The following TENM3 variants were observed in gnomAD, a reference collection of about 807,000 sequenced individuals.
The protein encoded by TENM3 is teneurin transmembrane protein 3, also known as teneurin-3.
Under a neutral mutation model 255.1 loss-of-function variants are expected in TENM3, and 63 were observed. That is an observed-to-expected ratio of 0.25 (90% CI 0.20 to 0.30). The LOEUF is 0.30. Ranked by LOEUF, TENM3 falls within the 10% of genes least tolerant of loss-of-function variation. TENM3 has a pLI of 1.00. For synonymous variants in TENM3, 1,306 were observed against 1,322.3 expected, an observed-to-expected ratio of 0.99 and a Z score of 0.27; for missense variants, 2,929 against 3,461.1, an observed-to-expected ratio of 0.85 and a Z score of 3.86.
chr4:182,056,287 G>A, the TENM3 span, among the ~76,000 whole-genome samples: 1 of 152,144 alleles, frequency 6.6e-6, no homozygotes, highest in African/African-American at 2.4e-5. Flanking sequence ...TCTTTGACAT[G>A]TTATACATTA....
At chr4:182,590,315 C>A (rs536984353) in intron 3 of TENM3, among the ~76,000 whole-genome samples, 1 of 151,920 alleles carries the variant, frequency 6.6e-6, no homozygotes, top group African/African-American at 2.4e-5. Flanking sequence ...ACAGTTGAGA[C>A]CTACCTAGTC....
the TENM3 span, among the ~76,000 whole-genome samples, chr4:181,711,854 G>A: frequency 1.3e-5 from 2 of 152,094 alleles, no homozygotes; most frequent in Non-Finnish European, 2.9e-5. Context: ...AGGATGGGTG[G>A]GTAATGAAAA....
In TENM3 at chr4:182,680,622, C is replaced by T. The variant is rs560498873; in HGVS notation, c.1719C>T (p.Thr573=). ...RCLCFSGWKG[T]ECDVPTTQCI... is the part of the protein sequence containing the mutation. Reference sequence around the variant, plus strand: ...TGTGTTTCAGCGGCTGGAAGGGCACCGAGTGTGATGTGCCGACTACCCAGT... The same window carrying T: ...TGTGTTTCAGCGGCTGGAAGGGCACTGAGTGTGATGTGCCGACTACCCAGT... The change falls in exon 10 of 28, where the codon ACC becomes ACT. Residue 573 remains threonine, a synonymous_variant. Coordinates refer to ENST00000511685, the MANE Select transcript of TENM3 (RefSeq NM_001080477.4). 99 of 1,613,548 alleles carry T rather than the reference C, an allele frequency of 6.1e-5. No homozygotes were observed. Among genetic ancestry groups the T allele is most frequent in the South Asian group, 2.6e-4 (24 of 91,036 alleles).
chr4:181,568,121 C>A, the TENM3 span, among the ~76,000 whole-genome samples: 1 of 151,552 alleles, frequency 6.6e-6, no homozygotes, highest in Non-Finnish European at 1.5e-5. Context: ...CCTGTTTTCT[C>A]CATAGGAAGG....
chr4:182,483,120 A>G (rs191180919), intron 3 of TENM3, among the ~76,000 whole-genome samples: 45 of 152,312 alleles, frequency 3.0e-4, no homozygotes, highest in African/African-American at 1.1e-3. Context: ...AGCAGAACTC[A>G]TTAATGCATG....
chr4:182,355,825 G>T (rs1765487700), intron 3 of TENM3, among the ~76,000 whole-genome samples: 1 of 151,760 alleles, frequency 6.6e-6, no homozygotes, highest in South Asian at 2.1e-4. Context: ...CTATGGTAAA[G>T]TTAGTAATTC....
At chr4:182,010,994 C>G in the TENM3 span, among the ~76,000 whole-genome samples, 2 of 152,204 alleles carry the variant, frequency 1.3e-5, no homozygotes, top group African/African-American at 4.8e-5. Context: ...TCTCCAGCTG[C>G]TTTGCAGAAA....
the TENM3 span, among the ~76,000 whole-genome samples, chr4:181,865,124 T>C: frequency 6.6e-6 from 1 of 152,182 alleles, no homozygotes; most frequent in Non-Finnish European, 1.5e-5. Context: ...AGCTTACAGA[T>C]AGAAAAAGTG....
At chr4:182,788,012 T>C (rs542274607) in intron 24 of TENM3, among the ~76,000 whole-genome samples, 7 of 152,344 alleles carry the variant, frequency 4.6e-5, no homozygotes, top group Non-Finnish European at 1.0e-4. Context: ...ATATGATGTA[T>C]GTATATACAC....
At chr4:182,001,842 G>A in the TENM3 span, among the ~76,000 whole-genome samples, 1 of 152,150 alleles carries the variant, frequency 6.6e-6, no homozygotes, top group African/African-American at 2.4e-5. Flanking sequence ...TTCTATATGA[G>A]AGACCTAAGG....
chr4:182,389,086 T>C, intron 3 of TENM3, among the ~76,000 whole-genome samples: 1 of 152,230 alleles, frequency 6.6e-6, no homozygotes, highest in Non-Finnish European at 1.5e-5. Context: ...CTGTTCTCAA[T>C]ACATCCCACA....
At chr4:182,100,640 T>TATATATACACACACATATATACAC in the TENM3 span, among the ~76,000 whole-genome samples, 15 of 50,834 alleles carry the variant, frequency 3.0e-4, 2 homozygotes, top group East Asian at 1.4e-3. Flanking sequence ...TATATACACA[T>TATATATACACACACATATATACAC]ATATATACAC....
chr4:182,550,527 A>G lies in TENM3; in HGVS notation c.512-50397A>G, dbSNP rs140316259. Among the ~76,000 whole-genome samples, 1,067 of 152,234 alleles carry G rather than the reference A, an allele frequency of 7.0e-3. 16 individuals are homozygous for G. Among genetic ancestry groups the G allele is most frequent in the African/African-American group, 0.024 (1,002 of 41,544 alleles). ...GTTAATTTCAACATCTGGTGGACTCATTCTTAATTTTGTTCTGTGAAACCT... is the reference window on the plus strand; with the variant it reads ...GTTAATTTCAACATCTGGTGGACTCGTTCTTAATTTTGTTCTGTGAAACCT... On this transcript the variant is annotated intron_variant, in intron 3 of 27. Transcript: ENST00000511685.
At chr4:181,629,492 T>A in the TENM3 span, among the ~76,000 whole-genome samples, 1 of 152,216 alleles carries the variant, frequency 6.6e-6, no homozygotes, top group Admixed American at 6.5e-5. Context: ...ATAGCTCTTA[T>A]TATTTTGAGA....
intron 1 of TENM3, among the ~76,000 whole-genome samples, chr4:182,173,318 A>G (rs1752230515): frequency 6.6e-6 from 1 of 152,228 alleles, no homozygotes; most frequent in Non-Finnish European, 1.5e-5. Context: ...CAGAGTGAAC[A>G]TTCAGTAGGA....
At chr4:181,721,463 G>A in the TENM3 span, among the ~76,000 whole-genome samples, 1 of 140,854 alleles carries the variant, frequency 7.1e-6, no homozygotes, top group African/African-American at 2.6e-5. Flanking sequence ...AGCCGGGTGT[G>A]GTGGCGGGCG....
chr4:182,202,250 T>C (rs1754226789), intron 1 of TENM3, among the ~76,000 whole-genome samples: 1 of 151,694 alleles, frequency 6.6e-6, no homozygotes, highest in Non-Finnish European at 1.5e-5. Context: ...TGGAAGTTCC[T>C]GAAGTTCCTG....
chr4:181,835,387 T>G, the TENM3 span, among the ~76,000 whole-genome samples: 1 of 152,234 alleles, frequency 6.6e-6, no homozygotes, highest in Non-Finnish European at 1.5e-5. Context: ...AGTTTATATA[T>G]TGGCCCTTCA....
chr4:182,567,653 A>G (rs1395370650), intron 3 of TENM3, among the ~76,000 whole-genome samples: 1 of 151,658 alleles, frequency 6.6e-6, no homozygotes, highest in Non-Finnish European at 1.5e-5. Context: ...TAACTCTCTC[A>G]TCTCTTCCAT....
Sources: gnomAD v4.1 joint callset for allele counts (sites outside exome capture counted in the v4.1 genomes callset) on GRCh38, gnomAD v4.1.1 for gene constraint, MANE v1.5 for transcripts, NCBI Gene and HGNC (gene_info 2026-07-23, HGNC 2026-07-21) for gene names.